RECQL5: variants seen among roughly 807,000 people sequenced by gnomAD.
The protein encoded by RECQL5 is ATP-dependent DNA helicase Q5.
A neutral mutation model predicts 103.4 loss-of-function variants in RECQL5; 88 were observed. The ratio of observed to expected loss-of-function variants is 0.85; its 90% CI spans 0.72 to 1.02. The LOEUF (loss-of-function observed/expected upper bound fraction) is 1.02. RECQL5 is among the 50% of genes least tolerant of loss of function. The pLI is 0.00. For missense variants in RECQL5, 1,232 were observed against 1,284.3 expected (o/e 0.96, Z 0.62); for synonymous variants, 552 against 507.9 (o/e 1.09, Z -1.17).
intron 7 of RECQL5, among the ~76,000 whole-genome samples, chr17:75,657,035 C>T (rs966026109): frequency 2.0e-5 from 3 of 152,150 alleles, no homozygotes; most frequent in African/African-American, 7.2e-5. Flanking sequence ...TAAGCCATCG[C>T]GCCCGGCCCC....
Position 75,658,493 on chromosome 17 carries a change from T to C in RECQL5, c.987-33A>G, listed in dbSNP as rs201499165. 8.1e-6 allele frequency: 13 copies of C among 1,605,626 alleles called. No individual in the cohort carries two copies. The Admixed American group carries it at 1.0e-4, about 12-fold the overall frequency. On this transcript the variant is annotated intron_variant, in intron 6 of 19. Coordinates refer to ENST00000317905, the MANE Select transcript of RECQL5 (RefSeq NM_004259.7). The stretch of plus-strand genomic sequence containing the variant: ...ATCCAAAGGGACAAGCAGCATGAGA[T>C]GGTGGAGAAGCTGAGTGTCCTTTGG...
chr17:75,651,217 CA>C lies in RECQL5; in HGVS notation c.1197del (p.Phe399LeufsTer5), dbSNP rs2059551410. ...KASDKATIMA[F>X]DALVTFCEEL... ...TCTTCACAGAAGGTCACCAGGGCAT[CA>C]AAGGCCATGATAGTGGCTTTATCAG... On this transcript the variant is annotated frameshift_variant, in exon 8 of 20. Transcript: ENST00000317905. LOFTEE classifies it high-confidence loss of function. 4.3e-6 allele frequency: 7 copies of C among 1,614,212 alleles called. No homozygotes were observed. The highest frequency in any genetic ancestry group is 5.9e-6 in the Non-Finnish European group (7 of 1,180,032).
At chr17:75,657,935 T>C (rs1217508655) in intron 7 of RECQL5, among the ~76,000 whole-genome samples, 2 of 151,830 alleles carry the variant, frequency 1.3e-5, no homozygotes, top group South Asian at 2.1e-4. Flanking sequence ...GTAATCCCAG[T>C]TACTCAGGAG....
intron 8 of RECQL5, chr17:75,633,872 A>G: frequency 1.0e-6 from 1 of 993,912 alleles, no homozygotes; most frequent in Non-Finnish European, 1.2e-6. Flanking sequence ...GGGGAGAGGG[A>G]GAGGAGGAGG....
intron 8 of RECQL5, chr17:75,637,711 A>C (rs1363722637): frequency 6.6e-6 from 1 of 152,302 alleles, no homozygotes; most frequent in African/African-American, 2.4e-5. Context: ...AGATCCACAA[A>C]TGTGGGCTGG....
chr17:75,637,464 C>G (rs989202926), intron 8 of RECQL5: 3 of 152,366 alleles, frequency 2.0e-5, no homozygotes, highest in Non-Finnish European at 2.9e-5. Context: ...ACCTGGAAAG[C>G]TGGGGCGTGA....
intron 8 of RECQL5, among the ~76,000 whole-genome samples, chr17:75,633,219 T>C (rs1042932008): frequency 1.3e-5 from 2 of 152,248 alleles, no homozygotes; most frequent in African/African-American, 4.8e-5. Context: ...ATCCGAGTGG[T>C]GTGACCACAT....
chr17:75,661,612 G>A lies in RECQL5; in HGVS notation c.868C>T (p.His290Tyr), dbSNP rs769935593. 6.2e-7 allele frequency: 1 copy of A among 1,613,624 alleles called. No homozygotes were observed. The highest frequency in any genetic ancestry group is 8.5e-7 in the Non-Finnish European group (1 of 1,179,636). ...SCRGVNAKAY[H>Y]AGLKASERTL... ...TGGCCTGGGTGCCCCTTACCTGCAT[G>A]GTAAGCCTTGGCGTTCACACCCCTG... The change falls in exon 5 of 20, where the codon CAT becomes TAT. Residue 290 changes from histidine (H) to tyrosine (Y), a missense_variant. Transcript: ENST00000317905.
At chr17:75,645,813 C>T (rs952751298) in intron 8 of RECQL5, among the ~76,000 whole-genome samples, 1 of 152,188 alleles carries the variant, frequency 6.6e-6, no homozygotes. Context: ...AACAATACGA[C>T]ATCCTGGCAA....
chr17:75,666,046 A>G (rs1174663909), intron 2 of RECQL5, among the ~76,000 whole-genome samples: 1 of 152,242 alleles, frequency 6.6e-6, no homozygotes, highest in Non-Finnish European at 1.5e-5. Flanking sequence ...ACAAACGAAC[A>G]ATAATGAGAA....
chr17:75,662,262 C>CA (rs1190416698), intron 4 of RECQL5, among the ~76,000 whole-genome samples: 2 of 152,340 alleles, frequency 1.3e-5, no homozygotes, highest in East Asian at 3.9e-4. Context: ...ATCACACAGA[C>CA]TGGCTGGCTG....
chr17:75,628,170 C>CT, intron 18 of RECQL5, 48 bp downstream of exon 18: 2 of 1,526,584 alleles, frequency 1.3e-6, no homozygotes, highest in Non-Finnish European at 1.8e-6. Flanking sequence ...CCACTACACC[C>CT]ACATACCCCA....
At chr17:75,628,870 C>T (rs766118377) in intron 16 of RECQL5, 64 bp downstream of exon 16, 1 of 1,585,986 alleles carries the variant, frequency 6.3e-7, no homozygotes, top group South Asian at 1.2e-5. Flanking sequence ...TTCAGACGCC[C>T]AGTGAGCAAA....
chr17:75,647,465 T>C (rs2059502805), intron 8 of RECQL5: 1 of 1,550,250 alleles, frequency 6.5e-7, no homozygotes, highest in Non-Finnish European at 8.7e-7. Flanking sequence ...GTGATTATCT[T>C]ATTCATCACC....
At position 75,631,007 on chromosome 17, in the gene RECQL5, T is replaced by A. The variant is rs1319045378; in HGVS notation, c.1552A>T (p.Lys518Ter). Residue 518 changes from lysine (K) to a stop codon, truncating the protein, a stop_gained, in exon 11 of 20, where the codon AAA becomes TAA. Transcript: ENST00000317905. LOFTEE classifies it high-confidence loss of function. ...ACAAATTCTTCTATCTTGGGGTCTT[T>A]GCCCTGGAGGACAACATGAAGGACC... ...YQKQMQLRKG[K>*]DPKIEEFVPP... The A allele has an allele frequency of 1.9e-6, 3 of 1,613,860 alleles. No individual in the cohort carries two copies. The South Asian group carries it at 3.3e-5, about 18-fold the overall frequency.
At chr17:75,631,396 A>C (rs981928717) in intron 9 of RECQL5, 54 bp downstream of exon 9, 2 of 1,578,678 alleles carry the variant, frequency 1.3e-6, no homozygotes, top group African/African-American at 1.3e-5. Flanking sequence ...CCTGGCGCCA[A>C]GGGAATGCCA....
chr17:75,629,823 G>A lies in RECQL5; in HGVS notation c.1832C>T (p.Ala611Val), dbSNP rs532494160. 17 of 1,611,346 alleles carry A rather than the reference G, an allele frequency of 1.1e-5. No individual in the cohort carries two copies. The highest frequency in any genetic ancestry group is 6.6e-5 in the South Asian group (6 of 90,942). ...GTCATAGGGCTGCCCATCCTTGGAG[G>A]CTCTGTGGATATCGGCCACCTGGGC... is the stretch of plus-strand genomic sequence containing the variant. ...VLKKVADIHR[A>V]SKDGQPYDMG... is the part of the protein sequence containing the mutation. The change falls in exon 15 of 20, where the codon GCC becomes GTC. Residue 611 changes from alanine to valine, a missense_variant. Transcript: ENST00000317905.
chr17:75,654,204 CTTTG>C (rs1416702113), intron 7 of RECQL5, among the ~76,000 whole-genome samples: 1 of 152,154 alleles, frequency 6.6e-6, no homozygotes, highest in Non-Finnish European at 1.5e-5. Flanking sequence ...CCTGAAATAG[CTTTG>C]TTTTTCTCCA....
At chr17:75,661,125 C>A in intron 5 of RECQL5, 59 bp from the exon 6 acceptor site, 1 of 1,395,836 alleles carries the variant, frequency 7.2e-7, no homozygotes. Flanking sequence ...TTACCGGGGG[C>A]CTATTTTGGG....
Sources: allele counts gnomAD v4.1 joint callset (sites outside exome capture counted in the v4.1 genomes callset), GRCh38; gene constraint gnomAD v4.1.1; transcripts MANE v1.5; gene names NCBI Gene and HGNC (gene_info 2026-07-23, HGNC 2026-07-21).